The following HYDIN variants were observed in gnomAD, a reference collection of about 807,000 sequenced individuals.
HYDIN encodes HYDIN axonemal central pair apparatus protein.
Under a neutral mutation model 403.9 loss-of-function variants are expected in HYDIN, and 132 were observed. That is an observed-to-expected ratio of 0.33 (90% CI 0.28 to 0.38). The LOEUF (loss-of-function observed/expected upper bound fraction) is 0.38. Among genes scored for constraint, HYDIN ranks in the 10% least tolerant of loss-of-function variants. HYDIN has a pLI of 1.00. For synonymous variants in HYDIN, 1,202 were observed against 1,891.7 expected (o/e 0.64, Z 9.46); for missense variants, 2,827 against 5,009.5 (o/e 0.56, Z 13.15).
chr16:71,086,288 G>C (rs997874784), intron 12 of HYDIN, among the ~76,000 whole-genome samples: 2 of 152,108 alleles, frequency 1.3e-5, no homozygotes, highest in African/African-American at 4.8e-5. Flanking sequence ...ATGAGTTCTT[G>C]CACCTAATAT....
intron 77 of HYDIN, among the ~76,000 whole-genome samples, 190 bp downstream of exon 77, chr16:70,837,500 C>G (rs1447196097): frequency 6.6e-6 from 1 of 152,000 alleles, no homozygotes; most frequent in Non-Finnish European, 1.5e-5. Flanking sequence ...TTCAGTGAGT[C>G]TGATCTGGTG....
intron 42 of HYDIN, among the ~76,000 whole-genome samples, chr16:70,942,245 G>C (rs368056105): frequency 4.6e-5 from 7 of 150,910 alleles, no homozygotes; most frequent in African/African-American, 1.7e-4. Flanking sequence ...GATTAGTCTC[G>C]AACTCCTGAC....
chr16:71,062,178 G>C lies in HYDIN; in HGVS notation c.2367C>G (p.Asp789Glu). ...TVYISIFGSQ[D>E]PPLVCHLKSA... The stretch of plus-strand genomic sequence containing the variant: ...GAAAATGGACTCTCACCAAAGGGGG[G>C]TCCTGGCTCCCAAAGATTGAGATGT... Residue 789 changes from aspartate (D) to glutamate (E), a missense_variant, in exon 17 of 86, where the codon GAC (aspartate) becomes GAG (glutamate). Physicochemically the swap from Asp to Glu is conservative, Grantham distance 45 (BLOSUM62 2). Transcript: ENST00000393567. The C allele has an allele frequency of 7.4e-7, 1 of 1,353,508 alleles. No homozygotes were observed. Among genetic ancestry groups the C allele is most frequent in the South Asian group, 1.3e-5 (1 of 75,636 alleles). The allele number at this position is 1,353,508 out of a possible 1,614,324, so 83.8% of individuals were successfully genotyped here. A position where few individuals can be genotyped will look rare whatever the true frequency, so the allele number is the denominator to read the frequency against.
intron 1 of HYDIN, among the ~76,000 whole-genome samples, chr16:71,222,543 T>C (rs2040850652): frequency 6.6e-6 from 1 of 152,108 alleles, no homozygotes; most frequent in Non-Finnish European, 1.5e-5. Context: ...AGTCAAACTG[T>C]CACTGTTTGC....
At chr16:70,946,703 T>C (rs1441367192) in intron 41 of HYDIN, among the ~76,000 whole-genome samples, 7 of 152,104 alleles carry the variant, frequency 4.6e-5, no homozygotes, top group African/African-American at 4.8e-5. Flanking sequence ...ATCTGTAAAG[T>C]GAGAAGATGG....
intron 1 of HYDIN, among the ~76,000 whole-genome samples, 185 bp downstream of exon 1, chr16:71,230,377 T>A (rs2041226498): frequency 6.6e-6 from 1 of 151,956 alleles, no homozygotes. Flanking sequence ...AGAACAAAAA[T>A]CCGAGGTCCC....
At chr16:71,143,361 T>A (rs1303018615) in intron 7 of HYDIN, among the ~76,000 whole-genome samples, 1 of 151,052 alleles carries the variant, frequency 6.6e-6, no homozygotes, top group African/African-American at 2.4e-5. Flanking sequence ...TGAAGGGAGT[T>A]AAAGAAACGT....
intron 41 of HYDIN, among the ~76,000 whole-genome samples, chr16:70,945,708 A>T (rs1256210659): frequency 1.3e-5 from 2 of 152,188 alleles, no homozygotes; most frequent in East Asian, 1.9e-4. Context: ...TGGTGTCTGA[A>T]AGCCACACGA....
chr16:71,158,755 C>T (rs1376033896), intron 6 of HYDIN, among the ~76,000 whole-genome samples: 3 of 147,172 alleles, frequency 2.0e-5, no homozygotes, highest in Non-Finnish European at 4.4e-5. Context: ...GATCATGGCT[C>T]ACTGCAACCT....
intron 42 of HYDIN, among the ~76,000 whole-genome samples, chr16:70,942,164 A>G (rs1207998009): frequency 2.7e-5 from 4 of 150,806 alleles, no homozygotes; most frequent in African/African-American, 9.8e-5. Context: ...AGCTGGGATT[A>G]CAGGTGCCCA....
At chr16:71,217,517 A>G (rs1034243612) in intron 1 of HYDIN, among the ~76,000 whole-genome samples, 1 of 152,192 alleles carries the variant, frequency 6.6e-6, no homozygotes, top group Non-Finnish European at 1.5e-5. Context: ...GGTGACCTCA[A>G]AATGAACTGG....
chr16:70,865,176 T>C (rs1314327518), intron 67 of HYDIN: 2 of 359,856 alleles, frequency 5.6e-6, no homozygotes, highest in Non-Finnish European at 1.1e-5. Context: ...GAGCCCTTCA[T>C]TCTCGCTTCT....
chr16:71,050,114 T>G (rs1050396399), intron 18 of HYDIN, among the ~76,000 whole-genome samples: 23 of 145,776 alleles, frequency 1.6e-4, no homozygotes, highest in African/African-American at 5.8e-4. Context: ...TTTGAAGAGA[T>G]AATGGCTGAG....
At chr16:71,012,443 A>T (rs2080118320) in intron 23 of HYDIN, among the ~76,000 whole-genome samples, 1 of 152,252 alleles carries the variant, frequency 6.6e-6, no homozygotes, top group Non-Finnish European at 1.5e-5. Context: ...CTTATTTAGC[A>T]TGCTTGTCCA....
chr16:70,857,056 C>T (rs1473611959), intron 72 of HYDIN, among the ~76,000 whole-genome samples: 4 of 141,886 alleles, frequency 2.8e-5, no homozygotes, highest in Admixed American at 7.2e-5. Flanking sequence ...ACAATTACTT[C>T]GTTTCACCTT....
rs187295713 is a variant in HYDIN, at chr16:71,149,481, G to A, written c.841+3178C>T. Among the ~76,000 whole-genome samples the A allele has an allele frequency of 1.4e-3, 210 of 151,124 alleles. 1 individual carries two copies. Among genetic ancestry groups the A allele is most frequent in the African/African-American group, 4.9e-3 (202 of 41,200 alleles). ...TATATCTGCACACACACACATACAC[G>A]CACACACACACGATGTGTACAAGAA... On this transcript the variant is annotated intron_variant, in intron 7 of 85. Transcript: ENST00000393567.
intron 30 of HYDIN, among the ~76,000 whole-genome samples, chr16:70,978,131 C>A (rs1295240872): frequency 4.6e-5 from 7 of 152,106 alleles, no homozygotes; most frequent in South Asian, 2.1e-4. Flanking sequence ...TCCCTCCCCT[C>A]CCCTCCCACC....
intron 10 of HYDIN, among the ~76,000 whole-genome samples, chr16:71,110,861 T>G (rs13336714): frequency 0.023 from 2,656 of 115,482 alleles, 115 homozygotes; most frequent in African/African-American, 0.086. Flanking sequence ...GCATTCTTGC[T>G]GACAGTGCAC....
At chr16:70,902,821 ATTTTTT>A (rs60618592) in intron 52 of HYDIN, among the ~76,000 whole-genome samples, 43 of 47,268 alleles carry the variant, frequency 9.1e-4, no homozygotes, top group South Asian at 1.5e-3. Context: ...ATATATATAT[ATTTTTT>A]TTTTTTTTTT....
Sources: gnomAD v4.1 joint callset for allele counts (sites outside exome capture counted in the v4.1 genomes callset) on GRCh38, gnomAD v4.1.1 for gene constraint, MANE v1.5 for transcripts, NCBI Gene and HGNC (gene_info 2026-07-23, HGNC 2026-07-21) for gene names.